Variants in BPTF observed in about 807,000 individuals in gnomAD.
BPTF encodes bromodomain PHD finger transcription factor.
A neutral mutation model predicts 292.5 loss-of-function variants in BPTF; 18 were observed. The observed-to-expected ratio is 0.06, with a 90% CI of 0.04 to 0.09. BPTF has a LOEUF of 0.09. Among genes scored for constraint, BPTF ranks in the 10% least tolerant of loss-of-function variants. The pLI is 1.00. For missense variants in BPTF, 2,726 were observed against 3,498.7 expected (o/e 0.78, Z 5.57); for synonymous variants, 1,225 against 1,251.9 (o/e 0.98, Z 0.45).
Position 67,922,830 on chromosome 17 carries a change from C to A in BPTF, c.5558-10C>A. The A allele has an allele frequency of 6.3e-7, 1 of 1,581,648 alleles. No homozygotes were observed. Among genetic ancestry groups the A allele is most frequent in the East Asian group, 2.3e-5 (1 of 44,324 alleles). On this transcript the variant is annotated splice_polypyrimidine_tract_variant and intron_variant, in intron 13 of 27. Transcript: ENST00000306378. Reference sequence around the variant, plus strand: ...ATATTGCTTAAAATATTCTGATTTCCTTTCCAAAGAAACGCCTACACCTCA... The same window carrying A: ...ATATTGCTTAAAATATTCTGATTTCATTTCCAAAGAAACGCCTACACCTCA...
At chr17:67,872,563 A>G (rs2059806990) in intron 3 of BPTF, among the ~76,000 whole-genome samples, 1 of 151,996 alleles carries the variant, frequency 6.6e-6, no homozygotes, top group Non-Finnish European at 1.5e-5. Context: ...AAAATTAGCC[A>G]GGTGTGGTGG....
At chr17:67,864,944 A>G (rs1396930595) in intron 2 of BPTF, among the ~76,000 whole-genome samples, 1 of 152,074 alleles carries the variant, frequency 6.6e-6, no homozygotes, top group African/African-American at 2.4e-5. Context: ...AGCTGAGACG[A>G]CAGGCGCCTG....
At chr17:67,981,827 G>T (rs576755728) in intron 27 of BPTF, 1 of 709,862 alleles carries the variant, frequency 1.4e-6, no homozygotes, top group Non-Finnish European at 1.7e-6. Context: ...TTGTTTTAGC[G>T]TAATTTTTCC....
At chr17:67,850,875 C>T (rs992205106) in intron 1 of BPTF, among the ~76,000 whole-genome samples, 1 of 152,000 alleles carries the variant, frequency 6.6e-6, no homozygotes, top group African/African-American at 2.4e-5. Context: ...GGGAAACATG[C>T]TAGGGGAGAA....
chr17:67,940,135 A>C (rs1276756556), intron 18 of BPTF, among the ~76,000 whole-genome samples: 1 of 152,190 alleles, frequency 6.6e-6, no homozygotes, highest in Non-Finnish European at 1.5e-5. Context: ...TATTTTACAC[A>C]TTCTTTTTTG....
At chr17:67,940,948 G>A (rs1217749280) in intron 19 of BPTF, among the ~76,000 whole-genome samples, 1 of 152,140 alleles carries the variant, frequency 6.6e-6, no homozygotes, top group African/African-American at 2.4e-5. Context: ...ACATTAAGCT[G>A]CTTCCTTGCA....
At chr17:67,838,831 A>G (rs2057335567) in intron 1 of BPTF, among the ~76,000 whole-genome samples, 1 of 152,238 alleles carries the variant, frequency 6.6e-6, no homozygotes, top group Non-Finnish European at 1.5e-5. Flanking sequence ...CATTTGCTAA[A>G]TATTTTCACT....
intron 9 of BPTF, among the ~76,000 whole-genome samples, chr17:67,905,924 T>C (rs1393613905): frequency 2.0e-5 from 3 of 151,968 alleles, no homozygotes; most frequent in Non-Finnish European, 4.4e-5. Flanking sequence ...GGTTGGGGGA[T>C]AGCATTAGGA....
At position 67,953,961 on chromosome 17, in the gene BPTF, C is replaced by CTTTTTTTTTTTTTTTTTTTTTTT. The variant is rs869063412; in HGVS notation, c.7927-5561_7927-5539dup. Among the ~76,000 whole-genome samples, 15 of 65,640 alleles carry CTTTTTTTTTTTTTTTTTTTTTTT rather than the reference C, an allele frequency of 2.3e-4. 1 individual carries two copies. Among genetic ancestry groups the CTTTTTTTTTTTTTTTTTTTTTTT allele is most frequent in the African/African-American group, 9.4e-4 (13 of 13,816 alleles). 43.1% of individuals were successfully genotyped at this position (65,640 alleles called of 152,430 possible). ...ATCTTTTTTCTTTTTCTTTTCTTTT[C>CTTTTTTTTTTTTTTTTTTTTTTT]TTTTTTTTTTTTTTTTTTTTTTTTT... On this transcript the variant is annotated intron_variant, in intron 23 of 27. Coordinates refer to ENST00000306378, the MANE Select transcript of BPTF (RefSeq NM_182641.4).
In BPTF at chr17:67,856,471, T is replaced by C. The variant is rs2058699073; in HGVS notation, c.1436+1709T>C. 2.0e-5 allele frequency among the ~76,000 whole-genome samples: 3 copies of C among 152,236 alleles called. No homozygotes were observed. In the South Asian group the frequency reaches 6.2e-4, roughly 32 times the overall value. ...TTTGTTTTGGTTTTTCTATTTCATA[T>C]TCAGATGTTTATTAATTCTTAATTT... On this transcript the variant is annotated intron_variant, in intron 2 of 27. Transcript: ENST00000306378.
rs1436397340 is a variant in BPTF, at chr17:67,948,420, AT to A, written c.7926+117del. 11 of 965,266 alleles carry A rather than the reference AT, an allele frequency of 1.1e-5. No individual in the cohort carries two copies. The African/African-American group carries it at 1.3e-4, about 12-fold the overall frequency. The allele number at this position is 965,266 out of a possible 1,614,324, so 59.8% of individuals were successfully genotyped here. On this transcript the variant is annotated intron_variant, in intron 23 of 27. Transcript: ENST00000306378. ...TTTCAGTATGTTTTCTAGAACTTAC[AT>A]TTGTGTACATAGAGTAAAAAGCAGT...
Position 67,945,838 on chromosome 17 carries a change from T to C in BPTF, c.7130T>C (p.Ile2377Thr). The C allele has an allele frequency of 6.2e-7, 1 of 1,614,110 alleles. No homozygotes were observed. Among genetic ancestry groups the C allele is most frequent in the Non-Finnish European group, 8.5e-7 (1 of 1,180,022 alleles). Reference sequence around the variant, plus strand: ...ACTACAACCTCACAACCGATTCCAATTCAACCACATACATCTCTTCAGATA... The same window carrying C: ...ACTACAACCTCACAACCGATTCCAACTCAACCACATACATCTCTTCAGATA... ...VQTTTSQPIP[I>T]QPHTSLQIPS... The change falls in exon 21 of 28, where the codon ATT becomes ACT. Residue 2377 changes from isoleucine to threonine, a missense_variant. This residue lies in a region of BPTF where 570 missense variants were observed against 633.5 expected (regional missense o/e 0.90). Coordinates refer to ENST00000306378, the MANE Select transcript of BPTF (RefSeq NM_182641.4).
rs1412489772 is a variant in BPTF, at chr17:67,826,316, A to G, written c.592A>G (p.Ser198Gly). The G allele has an allele frequency of 1.2e-6, 2 of 1,611,942 alleles. No individual in the cohort carries two copies. The highest frequency in any genetic ancestry group is 1.7e-6 in the Non-Finnish European group (2 of 1,179,556). The change falls in exon 1 of 28, where the codon AGT (serine) becomes GGT (glycine). Residue 198 changes from serine (S) to glycine (G), a missense_variant. Physicochemically the swap from Ser to Gly is moderately conservative, Grantham distance 56. Coordinates refer to ENST00000306378, the MANE Select transcript of BPTF (RefSeq NM_182641.4). ...YCTESSFRSH[S>G]TYSSTPGRRK... ...CACGGAAAGCAGCTTCAGGAGCCAT[A>G]GTACCTACAGCAGCACTCCAGGTAC...
chr17:67,830,353 G>A (rs1041509749), intron 1 of BPTF, among the ~76,000 whole-genome samples: 1 of 152,284 alleles, frequency 6.6e-6, no homozygotes, highest in Non-Finnish European at 1.5e-5. Context: ...AGTGATTTAT[G>A]TCCTCTAAGG....
Position 67,959,640 on chromosome 17 carries a change from G to GCGC in BPTF, c.8027_8028insGCC (p.Pro2678dup). ...TGCACCCTGCCCCCCAGTGACACCA[G>GCGC]CTCCTCCAGCCCCTCCAGCCCCTCC... On this transcript the variant is annotated inframe_insertion, in exon 24 of 28. Transcript: ENST00000306378. 6.2e-7 allele frequency: 1 copy of GCGC among 1,600,064 alleles called. No individual in the cohort carries two copies. The highest frequency in any genetic ancestry group is 8.5e-7 in the Non-Finnish European group (1 of 1,174,854).
At chr17:67,971,118 G>A (rs2068710099) in intron 26 of BPTF, among the ~76,000 whole-genome samples, 2 of 152,032 alleles carry the variant, frequency 1.3e-5, no homozygotes, top group South Asian at 2.1e-4. Context: ...GAGATGGACC[G>A]CCCAGGCTGG....
intron 2 of BPTF, among the ~76,000 whole-genome samples, chr17:67,865,250 A>G (rs2059332127): frequency 6.6e-6 from 1 of 152,086 alleles, no homozygotes; most frequent in African/African-American, 2.4e-5. Context: ...ATATCCTTTT[A>G]TTTATCTGTG....
In BPTF at chr17:67,848,969, CT is replaced by C. The variant is rs2058223132; in HGVS notation, c.614-4969del. ...GAATTCATGCAGACCACTTGACTTC[CT>C]TAGCAGTTTCTTTTGTGGGCGTACA... On this transcript the variant is annotated intron_variant, in intron 1 of 27. Coordinates refer to ENST00000306378, the MANE Select transcript of BPTF (RefSeq NM_182641.4). Among the ~76,000 whole-genome samples the C allele has an allele frequency of 3.3e-5, 5 of 152,236 alleles. No homozygotes were observed. The South Asian group carries it at 1.0e-3, about 32-fold the overall frequency.
intron 1 of BPTF, among the ~76,000 whole-genome samples, chr17:67,832,508 C>G (rs990879933): frequency 8.5e-5 from 13 of 152,048 alleles, no homozygotes; most frequent in African/African-American, 3.1e-4. Flanking sequence ...GAATGATTTT[C>G]AAGCAATATT....
Sources: allele counts gnomAD v4.1 joint callset (sites outside exome capture counted in the v4.1 genomes callset), GRCh38; gene constraint gnomAD v4.1.1; regional missense constraint gnomAD v4.1.1; transcripts MANE v1.5; gene names NCBI Gene and HGNC (gene_info 2026-07-23, HGNC 2026-07-21).